Variants in DNMT3B observed in about 807,000 individuals in gnomAD.
DNMT3B encodes the protein DNA (cytosine-5)-methyltransferase 3B.
A neutral mutation model predicts 120.2 loss-of-function variants in DNMT3B; 37 were observed. That is an observed-to-expected ratio of 0.31 (90% CI 0.24 to 0.40). The LOEUF is 0.40. Ranked by LOEUF, DNMT3B falls within the 10% of genes least tolerant of loss-of-function variation. The pLI is 1.00. For synonymous variants in DNMT3B, 412 were observed against 442.8 expected (o/e 0.93, Z 0.87); for missense variants, 878 against 1,137.3 (o/e 0.77, Z 3.28).
At chr20:32,779,677 G>C (rs1266752132) in intron 1 of DNMT3B, among the ~76,000 whole-genome samples, 2 of 152,132 alleles carry the variant, frequency 1.3e-5, no homozygotes, top group Non-Finnish European at 2.9e-5. Flanking sequence ...CCCTCCTTGG[G>C]AACTTGGGAC....
intron 10 of DNMT3B, among the ~76,000 whole-genome samples, chr20:32,794,893 C>G (rs370732408): frequency 1.3e-5 from 2 of 152,158 alleles, no homozygotes; most frequent in Admixed American, 6.5e-5. Flanking sequence ...TGACTAAATA[C>G]AGATGTAGAT....
chr20:32,780,197 A>G (rs1978423726), intron 1 of DNMT3B, 121 bp from the exon 2 acceptor site: 3 of 1,612,914 alleles, frequency 1.9e-6, no homozygotes, highest in African/African-American at 1.3e-5. Context: ...GGGCAAGAGC[A>G]TCACCCTAAG....
In DNMT3B at chr20:32,786,509, C is replaced by G. The variant is rs752000085; in HGVS notation, c.314C>G (p.Thr105Ser). 2.5e-6 allele frequency: 4 copies of G among 1,613,974 alleles called. No homozygotes were observed. Among genetic ancestry groups the G allele is most frequent in the African/African-American group, 1.3e-5 (1 of 74,944 alleles). The change falls in exon 5 of 23, where the codon ACT (threonine) becomes AGT (serine). Residue 105 changes from threonine to serine, a missense_variant. By Grantham distance (58) the Thr-to-Ser change is moderately conservative. Transcript: ENST00000328111. Reference protein sequence around the residue: ...RTRSESPAVRTRNNNSVSSRE... With the variant: ...RTRSESPAVRSRNNNSVSSRE... The stretch of plus-strand genomic sequence containing the variant: ...GTCCTCTCTTGCTTCTAGGTCCGAA[C>G]TCGAAATAACAACAGTGTCTCCAGC...
intron 4 of DNMT3B, 146 bp downstream of exon 4, chr20:32,785,005 A>C (rs1398253843): frequency 4.9e-6 from 4 of 820,130 alleles, no homozygotes; most frequent in Non-Finnish European, 8.1e-6. Context: ...AATATAAGCA[A>C]GGCTCTTGGA....
intron 4 of DNMT3B, 144 bp downstream of exon 4, chr20:32,785,003 C>A: frequency 1.2e-6 from 1 of 833,948 alleles, no homozygotes. Context: ...AAAATATAAG[C>A]AAGGCTCTTG....
intron 14 of DNMT3B, among the ~76,000 whole-genome samples, chr20:32,798,104 G>A (rs891322362): frequency 6.6e-6 from 1 of 152,210 alleles, no homozygotes; most frequent in Non-Finnish European, 1.5e-5. Context: ...ACCACACCCA[G>A]CTAGAAGTGC....
rs996239307 is a variant in DNMT3B at position 32,801,397 on chromosome 20, G to A, written c.2116G>A (p.Asp706Asn). Reference protein sequence around the residue: ...FENVVAMKVGDKRDISRFLEC... With the variant: ...FENVVAMKVGNKRDISRFLEC... ...GAATGTTGTAGCCATGAAGGTTGGC[G>A]ACAAGAGGGACATCTCACGGTTCCT... Residue 706 changes from aspartate to asparagine, a missense_variant, in exon 19 of 23, where the codon GAC becomes AAC. Physicochemically the swap from Asp to Asn is conservative, Grantham distance 23. Around this residue, in one of 4 missense-constraint regions of DNMT3B, gnomAD observed 334 missense variants for 518.8 expected, o/e 0.64. Coordinates refer to ENST00000328111, the MANE Select transcript of DNMT3B (RefSeq NM_006892.4). The A allele has an allele frequency of 3.1e-6, 5 of 1,613,988 alleles. No individual in the cohort carries two copies. Among genetic ancestry groups the A allele is most frequent in the Non-Finnish European group, 4.2e-6 (5 of 1,180,032 alleles).
Position 32,792,645 on chromosome 20 carries a change from G to A in DNMT3B, c.941G>A (p.Gly314Asp), listed in dbSNP as rs764487838. The A allele has an allele frequency of 6.2e-7, 1 of 1,614,254 alleles. No individual in the cohort carries two copies. Among genetic ancestry groups the A allele is most frequent in the Non-Finnish European group, 8.5e-7 (1 of 1,180,042 alleles). ...TTGCAGAAAGCTAGGGTGCGAGCTG[G>A]CAAGACCTTCCCCAGCAGCCCTGGA... The part of the protein sequence containing the change: ...HALEKARVRA[G>D]KTFPSSPGDS... The change falls in exon 9 of 23, where the codon GGC (glycine) becomes GAC (aspartate). Residue 314 changes from glycine to aspartate, a missense_variant. Gly to Asp is a moderately conservative substitution (Grantham distance 94). This residue lies in a region of DNMT3B where 207 missense variants were observed against 222.6 expected (regional missense o/e 0.93). Transcript: ENST00000328111.
chr20:32,775,136 G>T (rs898336120), intron 1 of DNMT3B, among the ~76,000 whole-genome samples: 9 of 152,228 alleles, frequency 5.9e-5, no homozygotes, highest in African/African-American at 1.9e-4. Context: ...GGGATTACAG[G>T]CTTGAGCCAC....
chr20:32,770,907 C>T (rs925749139), intron 1 of DNMT3B, among the ~76,000 whole-genome samples: 4 of 151,956 alleles, frequency 2.6e-5, no homozygotes, highest in East Asian at 3.9e-4. Context: ...CCACCATGCC[C>T]GGCCTAAATT....
At chr20:32,802,140 C>T (rs184712879) in intron 19 of DNMT3B, among the ~76,000 whole-genome samples, 142 of 152,130 alleles carry the variant, frequency 9.3e-4, no homozygotes, top group African/African-American at 3.3e-3. Context: ...AATAATCTGG[C>T]GTATCCCAGG....
chr20:32,774,436 C>T (rs1347320436), intron 1 of DNMT3B, among the ~76,000 whole-genome samples: 1 of 150,898 alleles, frequency 6.6e-6, no homozygotes, highest in Admixed American at 6.6e-5. Flanking sequence ...GTCTCGAGCT[C>T]CTGACCTCGT....
chr20:32,772,304 T>TA (rs150938674), intron 1 of DNMT3B, among the ~76,000 whole-genome samples: 2,613 of 152,332 alleles, frequency 0.017, 60 homozygotes, highest in African/African-American at 0.052. Flanking sequence ...ACTGAACCAG[T>TA]ATCCCTGCTG....
At position 32,807,928 on chromosome 20, in the gene DNMT3B, G is replaced by A. The variant is rs373165422; in HGVS notation, c.*25G>A. On this transcript the variant is annotated 3_prime_UTR_variant, in exon 23 of 23. Transcript: ENST00000328111. Reference sequence around the variant, plus strand: ...GTTCCAGCCAGGCCCCAAGCCCACTGGGGTGTGTGGCAGAGCCAGGACCCA... The same window carrying A: ...GTTCCAGCCAGGCCCCAAGCCCACTAGGGTGTGTGGCAGAGCCAGGACCCA... 1.2e-4 allele frequency: 192 copies of A among 1,613,880 alleles called. No homozygotes were observed. The highest frequency in any genetic ancestry group is 1.6e-4 in the Non-Finnish European group (185 of 1,179,904).
Position 32,789,022 on chromosome 20 carries a change from G to A in DNMT3B, c.813+10G>A, listed in dbSNP as rs1014966921. ...TGGCAAGTTCTCCGAGGTGAGTCCG[G>A]GGAAGGGCAAGGGGTTCTGCAGGCC... On this transcript the variant is annotated intron_variant, in intron 7 of 22. Coordinates refer to ENST00000328111, the MANE Select transcript of DNMT3B (RefSeq NM_006892.4). 3 of 1,613,632 alleles carry A rather than the reference G, an allele frequency of 1.9e-6. No individual in the cohort carries two copies. The highest frequency in any genetic ancestry group is 1.3e-5 in the African/African-American group (1 of 74,928).
At chr20:32,792,947 T>TC (rs541930788) in intron 9 of DNMT3B, among the ~76,000 whole-genome samples, 177 bp downstream of exon 9, 251 of 152,358 alleles carry the variant, frequency 1.6e-3, no homozygotes, top group African/African-American at 5.5e-3. Context: ...CTATCTGGCT[T>TC]CCCCGGCCAC....
chr20:32,784,992 G>T, intron 4 of DNMT3B, 133 bp downstream of exon 4: 2 of 875,608 alleles, frequency 2.3e-6, no homozygotes, highest in East Asian at 2.7e-5. Context: ...TTTGAAACTA[G>T]AAAATATAAG....
intron 21 of DNMT3B, among the ~76,000 whole-genome samples, chr20:32,805,887 C>T (rs1260980542): frequency 6.6e-6 from 1 of 151,974 alleles, no homozygotes; most frequent in African/African-American, 2.4e-5. Context: ...TCTTCTTGGC[C>T]CCCCACGTGA....
At chr20:32,779,900 C>T in intron 1 of DNMT3B, 1 of 625,238 alleles carries the variant, frequency 1.6e-6, no homozygotes, top group Non-Finnish European at 2.8e-6. Flanking sequence ...AATGCACTGG[C>T]TTCCTGAGCC....
Sources: gnomAD v4.1 joint callset for allele counts (sites outside exome capture counted in the v4.1 genomes callset) on GRCh38, gnomAD v4.1.1 for gene constraint, gnomAD v4.1.1 regional missense constraint, MANE v1.5 for transcripts, NCBI Gene and HGNC (gene_info 2026-07-23, HGNC 2026-07-21) for gene names.